The following RCSD1 variants were observed in gnomAD, a reference collection of about 807,000 sequenced individuals.
The protein encoded by RCSD1 is capZ-interacting protein.
Under a neutral mutation model 42.5 loss-of-function variants are expected in RCSD1, and 26 were observed. That is an observed-to-expected ratio of 0.61 (90% confidence interval 0.45 to 0.85). RCSD1 has a LOEUF of 0.85. Ranked by LOEUF, RCSD1 falls within the 40% of genes least tolerant of loss-of-function variation. RCSD1 has a pLI of 0.00. For missense variants in RCSD1, 571 were observed against 528.3 expected (o/e 1.08, Z -0.79); for synonymous variants, 220 against 212.2 (o/e 1.04, Z -0.32).
intron 1 of RCSD1, among the ~76,000 whole-genome samples, chr1:167,658,094 CA>C: frequency 6.6e-6 from 1 of 152,126 alleles, no homozygotes; most frequent in South Asian, 2.1e-4. Context: ...CACCTGGCTA[CA>C]CACACTTTTA....
At chr1:167,649,495 C>T (rs1209195166) in intron 1 of RCSD1, among the ~76,000 whole-genome samples, 2 of 152,228 alleles carry the variant, frequency 1.3e-5, no homozygotes, top group Admixed American at 6.5e-5. Context: ...TCAAAAACCA[C>T]AGCTTGGCCT....
intron 1 of RCSD1, among the ~76,000 whole-genome samples, chr1:167,670,419 G>T (rs914319572): frequency 2.7e-5 from 4 of 150,064 alleles, no homozygotes. Context: ...GGTTGAGTTT[G>T]ATCGGCAGCT....
At chr1:167,697,981 C>A in intron 6 of RCSD1, 139 bp downstream of exon 6, 1 of 1,132,052 alleles carries the variant, frequency 8.8e-7, no homozygotes, top group Non-Finnish European at 1.1e-6. Context: ...CTGCCTCGTG[C>A]CAACTTGTTG....
chr1:167,669,573 T>C (rs562128573), intron 1 of RCSD1, among the ~76,000 whole-genome samples: 1 of 152,352 alleles, frequency 6.6e-6, no homozygotes, highest in South Asian at 2.1e-4. Flanking sequence ...GGCTTCCTCT[T>C]TGGGTTTTGT....
chr1:167,699,334 G>T (rs1375144067), intron 6 of RCSD1, among the ~76,000 whole-genome samples: 2 of 152,168 alleles, frequency 1.3e-5, no homozygotes, highest in African/African-American at 4.8e-5. Flanking sequence ...TAAGTTGTTG[G>T]CTGGGTTGGT....
At chr1:167,649,278 C>T (rs763237579) in intron 1 of RCSD1, among the ~76,000 whole-genome samples, 8 of 152,110 alleles carry the variant, frequency 5.3e-5, no homozygotes, top group Non-Finnish European at 1.0e-4. Flanking sequence ...GTTGGTAAGC[C>T]AGGCAAGACC....
intron 1 of RCSD1, among the ~76,000 whole-genome samples, chr1:167,639,095 T>C (rs1657939908): frequency 6.6e-6 from 1 of 152,128 alleles, no homozygotes; most frequent in Non-Finnish European, 1.5e-5. Context: ...CAGGCACCTG[T>C]AGTCCCAGCT....
chr1:167,693,386 C>T (rs993378753), intron 4 of RCSD1, among the ~76,000 whole-genome samples: 3 of 152,222 alleles, frequency 2.0e-5, no homozygotes, highest in African/African-American at 7.2e-5. Flanking sequence ...CTTTCGTTAC[C>T]TTTGGGTGAC....
intron 1 of RCSD1, among the ~76,000 whole-genome samples, chr1:167,646,670 C>T (rs917909966): frequency 6.6e-6 from 1 of 152,108 alleles, no homozygotes; most frequent in Non-Finnish European, 1.5e-5. Context: ...TCCTGATGCT[C>T]GAGTTTCTAA....
chr1:167,697,033 A>G (rs1233253122), intron 5 of RCSD1, 66 bp from the exon 6 acceptor site: 1 of 1,481,198 alleles, frequency 6.8e-7, no homozygotes, highest in Non-Finnish European at 9.2e-7. Context: ...TTGAAAGTGC[A>G]TACAGTCCTC....
chr1:167,666,338 A>G (rs1229368), intron 1 of RCSD1, among the ~76,000 whole-genome samples: 63,861 of 152,044 alleles, frequency 0.42, 13,811 homozygotes, highest in African/African-American at 0.47. Context: ...CAGAGGTGTC[A>G]TGGGGATTCA....
At chr1:167,647,767 A>G (rs114751191) in intron 1 of RCSD1, among the ~76,000 whole-genome samples, 322 of 152,220 alleles carry the variant, frequency 2.1e-3, no homozygotes, top group African/African-American at 7.5e-3. Context: ...CGATAAGACC[A>G]CAACCAATAA....
At chr1:167,703,411 T>G (rs1659688714) in intron 6 of RCSD1, among the ~76,000 whole-genome samples, 1 of 152,160 alleles carries the variant, frequency 6.6e-6, no homozygotes, top group Non-Finnish European at 1.5e-5. Context: ...CCCAGTATTT[T>G]AGGAGGCCGA....
intron 1 of RCSD1, among the ~76,000 whole-genome samples, chr1:167,667,206 G>A (rs892270173): frequency 4.0e-5 from 6 of 150,618 alleles, no homozygotes; most frequent in African/African-American, 1.5e-4. Context: ...GAGCCCTCTT[G>A]ATATACTAGA....
At chr1:167,646,692 C>T (rs886925904) in intron 1 of RCSD1, among the ~76,000 whole-genome samples, 7 of 152,130 alleles carry the variant, frequency 4.6e-5, no homozygotes, top group Admixed American at 3.9e-4. Context: ...CCTGCCTAGG[C>T]GTCATCCCCA....
intron 1 of RCSD1, among the ~76,000 whole-genome samples, chr1:167,638,832 C>T (rs1657925482): frequency 6.6e-6 from 1 of 152,176 alleles, no homozygotes. Flanking sequence ...CAATTTCTTC[C>T]ATCCCCTTCA....
At chr1:167,637,061 C>G (rs751812582) in intron 1 of RCSD1, among the ~76,000 whole-genome samples, 2 of 152,146 alleles carry the variant, frequency 1.3e-5, no homozygotes, top group Non-Finnish European at 2.9e-5. Flanking sequence ...AGCTTACACC[C>G]ACAGAGGAGG....
intron 1 of RCSD1, chr1:167,665,041 A>C (rs1308127080): frequency 9.5e-6 from 1 of 105,048 alleles, no homozygotes; most frequent in Admixed American, 9.1e-5. Context: ...CTGTGTCACC[A>C]AAAAAAAAAA....
chr1:167,683,574 C>T (rs147988880), intron 1 of RCSD1, among the ~76,000 whole-genome samples: 115 of 152,302 alleles, frequency 7.6e-4, no homozygotes, highest in African/African-American at 2.4e-3. Flanking sequence ...CTGTCGCAGA[C>T]GTTGCCCTTT....
Sources: allele counts gnomAD v4.1 joint callset (sites outside exome capture counted in the v4.1 genomes callset), GRCh38; gene constraint gnomAD v4.1.1; transcripts MANE v1.5; gene names NCBI Gene and HGNC (gene_info 2026-07-23, HGNC 2026-07-21).